EPHA6: variants seen among roughly 807,000 people sequenced by gnomAD.
EPHA6 encodes the protein EPH receptor A6, also known as ephrin type-A receptor 6.
EPHA6 carries 50 observed loss-of-function variants against 112.0 expected under a neutral mutation model. The observed-to-expected ratio is 0.45, with a 90% CI of 0.36 to 0.56. The LOEUF is 0.56. EPHA6 is among the 20% of genes least tolerant of loss of function. The probability of loss-of-function intolerance (pLI) is 0.00; values close to 1 mark genes in which losing one functional copy is unlikely to be tolerated. For synonymous variants in EPHA6, 529 were observed against 490.7 expected, an observed-to-expected ratio of 1.08 and a Z score of -1.03; for missense variants, 1,280 against 1,417.4, an observed-to-expected ratio of 0.90 and a Z score of 1.56.
At chr3:97,291,847 C>T (rs1415592219) in intron 5 of EPHA6, among the ~76,000 whole-genome samples, 1 of 152,190 alleles carries the variant, frequency 6.6e-6, no homozygotes, top group Non-Finnish European at 1.5e-5. Flanking sequence ...GGTGTCACTT[C>T]ACCAGCCGGA....
chr3:96,954,919 G>C (rs554178027), intron 2 of EPHA6, among the ~76,000 whole-genome samples: 65 of 147,822 alleles, frequency 4.4e-4, no homozygotes, highest in Admixed American at 1.1e-3. Context: ...TCAGCCTCCC[G>C]AGTAGCTGGA....
chr3:97,349,544 T>C (rs2083698368), intron 5 of EPHA6, among the ~76,000 whole-genome samples: 1 of 152,116 alleles, frequency 6.6e-6, no homozygotes, highest in Non-Finnish European at 1.5e-5. Flanking sequence ...AATTTAAATA[T>C]GCATTCCCTT....
intron 13 of EPHA6, among the ~76,000 whole-genome samples, chr3:97,616,262 A>G (rs1438452852): frequency 1.3e-5 from 2 of 152,154 alleles, no homozygotes; most frequent in African/African-American, 4.8e-5. Flanking sequence ...GGAAAAAAAT[A>G]AATAAATCCA....
chr3:97,492,840 A>G (rs772571369), intron 10 of EPHA6, among the ~76,000 whole-genome samples: 1 of 152,046 alleles, frequency 6.6e-6, no homozygotes, highest in Non-Finnish European at 1.5e-5. Flanking sequence ...GGTATTTTAG[A>G]TGGGAAAAGC....
intron 5 of EPHA6, among the ~76,000 whole-genome samples, chr3:97,358,533 T>G (rs1051556914): frequency 2.0e-5 from 3 of 152,064 alleles, no homozygotes; most frequent in Admixed American, 2.0e-4. Context: ...AGTAATAATT[T>G]ATTTTTTAGT....
chr3:96,928,564 C>A (rs1009629042), intron 2 of EPHA6, among the ~76,000 whole-genome samples: 5 of 152,004 alleles, frequency 3.3e-5, no homozygotes, highest in African/African-American at 9.7e-5. Context: ...AGAGTAAGTG[C>A]CGTGCGGTGA....
At chr3:97,324,014 G>A (rs2082245551) in intron 5 of EPHA6, among the ~76,000 whole-genome samples, 1 of 151,760 alleles carries the variant, frequency 6.6e-6, no homozygotes, top group African/African-American at 2.4e-5. Flanking sequence ...TGTTGACTGA[G>A]TGACCGTCCA....
intron 5 of EPHA6, among the ~76,000 whole-genome samples, chr3:97,247,420 G>A (rs984650425): frequency 1.3e-5 from 2 of 151,880 alleles, no homozygotes; most frequent in African/African-American, 4.8e-5. Flanking sequence ...TTAAAGTACT[G>A]CTAAGGAGAA....
intron 10 of EPHA6, among the ~76,000 whole-genome samples, chr3:97,505,337 C>T (rs1054143932): frequency 6.6e-6 from 1 of 152,066 alleles, no homozygotes; most frequent in East Asian, 1.9e-4. Flanking sequence ...TATCCCTCCC[C>T]TAGCCCCCCA....
intron 14 of EPHA6, among the ~76,000 whole-genome samples, chr3:97,715,164 G>C (rs1260678880): frequency 6.6e-6 from 1 of 152,120 alleles, no homozygotes; most frequent in Non-Finnish European, 1.5e-5. Flanking sequence ...CTGCTCACAC[G>C]GTCTTGGTAC....
chr3:97,462,154 T>G (rs1461420949), intron 7 of EPHA6, among the ~76,000 whole-genome samples: 1 of 152,208 alleles, frequency 6.6e-6, no homozygotes, highest in Non-Finnish European at 1.5e-5. Context: ...TTAGCCTTTT[T>G]GTGCCTCAGT....
intron 11 of EPHA6, among the ~76,000 whole-genome samples, chr3:97,538,019 T>A (rs1028337505): frequency 6.6e-6 from 1 of 152,162 alleles, no homozygotes; most frequent in African/African-American, 2.4e-5. Flanking sequence ...TGCCTAGGTG[T>A]GATAGAAGAG....
At chr3:97,247,035 T>C (rs9846305) in intron 5 of EPHA6, among the ~76,000 whole-genome samples, 14,630 of 152,030 alleles carry the variant, frequency 0.096, 1,512 homozygotes, top group Admixed American at 0.22. Context: ...TAAATAATTG[T>C]ATTGCTTAGT....
At chr3:97,341,056 T>C (rs981601469) in intron 5 of EPHA6, among the ~76,000 whole-genome samples, 8 of 152,128 alleles carry the variant, frequency 5.3e-5, no homozygotes, top group Non-Finnish European at 1.0e-4. Flanking sequence ...GCAAGGGAAA[T>C]AAAATGGCAA....
chr3:97,114,940 G>A (rs528411433), intron 3 of EPHA6, among the ~76,000 whole-genome samples: 1 of 151,964 alleles, frequency 6.6e-6, no homozygotes. Context: ...GAGTGGATTT[G>A]CTGGAAAATA....
intron 5 of EPHA6, among the ~76,000 whole-genome samples, chr3:97,324,402 TTCTTTTCTTTCTTTC>T (rs2082266874): frequency 1.4e-5 from 2 of 146,902 alleles, no homozygotes; most frequent in African/African-American, 2.6e-5. Flanking sequence ...TTTGCTTTCC[TTCTTTTCTTTCTTTC>T]TTTCTTTCTT....
At chr3:97,539,416 A>G (rs2092817157) in intron 11 of EPHA6, among the ~76,000 whole-genome samples, 1 of 152,034 alleles carries the variant, frequency 6.6e-6, no homozygotes, top group Non-Finnish European at 1.5e-5. Context: ...GGGAAGTGCT[A>G]GGATTACAGG....
chr3:97,013,951 T>C (rs1404337135), intron 3 of EPHA6, among the ~76,000 whole-genome samples: 2 of 152,216 alleles, frequency 1.3e-5, no homozygotes, highest in East Asian at 1.9e-4. Flanking sequence ...ATTTTTGTAC[T>C]TCTCTTTCTC....
chr3:96,993,247 A>G (rs1314368393), intron 3 of EPHA6, among the ~76,000 whole-genome samples: 1 of 152,038 alleles, frequency 6.6e-6, no homozygotes, highest in Admixed American at 6.6e-5. Context: ...ACAAAGCCCA[A>G]ATATGTCTTA....
Sources: allele counts gnomAD v4.1 joint callset (sites outside exome capture counted in the v4.1 genomes callset), GRCh38; gene constraint gnomAD v4.1.1; transcripts MANE v1.5; gene names NCBI Gene and HGNC (gene_info 2026-07-23, HGNC 2026-07-21).